The following ARK2N variants were observed in gnomAD, a reference collection of about 807,000 sequenced individuals.
ARK2N encodes protein ARK2N.
At chr18:46,237,929 GCTGT>G in the ARK2N span, among the ~76,000 whole-genome samples, 1 of 152,086 alleles carries the variant, frequency 6.6e-6, no homozygotes, top group Non-Finnish European at 1.5e-5. Flanking sequence ...TGAAAATATT[GCTGT>G]CTCTGTTTAT....
the ARK2N span, among the ~76,000 whole-genome samples, chr18:46,190,236 C>T: frequency 1.4e-4 from 22 of 152,016 alleles, no homozygotes; most frequent in African/African-American, 4.8e-4. Flanking sequence ...TACAGCTTTT[C>T]AGGCCGGGCG....
At chr18:46,225,909 G>A in the ARK2N span, among the ~76,000 whole-genome samples, 1 of 152,178 alleles carries the variant, frequency 6.6e-6, no homozygotes, top group Non-Finnish European at 1.5e-5. Flanking sequence ...AATAGTGGGA[G>A]CCATCCTCTT....
chr18:46,245,496 G>A, the ARK2N span, among the ~76,000 whole-genome samples: 4 of 151,316 alleles, frequency 2.6e-5, no homozygotes, highest in African/African-American at 9.7e-5. Flanking sequence ...GCTTGATCCC[G>A]GCAGGTGGAG....
At chr18:46,223,386 G>A in the ARK2N span, among the ~76,000 whole-genome samples, 1 of 152,162 alleles carries the variant, frequency 6.6e-6, no homozygotes, top group African/African-American at 2.4e-5. Context: ...GCAGAGGTTG[G>A]TGACCGACTT....
the ARK2N span, among the ~76,000 whole-genome samples, chr18:46,249,056 C>T: frequency 1.3e-5 from 2 of 152,148 alleles, no homozygotes; most frequent in Admixed American, 1.3e-4. Flanking sequence ...TTGTACTTAC[C>T]TGGCAGAGTC....
chr18:46,210,399 G>C, the ARK2N span, among the ~76,000 whole-genome samples: 1 of 152,184 alleles, frequency 6.6e-6, no homozygotes, highest in East Asian at 1.9e-4. Context: ...AGCAATAGTA[G>C]TACTATTTAC....
chr18:46,199,482 A>ATT, the ARK2N span, among the ~76,000 whole-genome samples: 34 of 82,390 alleles, frequency 4.1e-4, no homozygotes, highest in African/African-American at 1.1e-3. Context: ...CACCCAGCTC[A>ATT]TTTTTTTTTT....
chr18:46,183,900 T>C, the ARK2N span, among the ~76,000 whole-genome samples: 1 of 152,014 alleles, frequency 6.6e-6, no homozygotes, highest in Admixed American at 6.6e-5. Flanking sequence ...CTCAGCTCAC[T>C]GCAACCTCCG....
chr18:46,252,062 G>A, the ARK2N span, among the ~76,000 whole-genome samples: 6 of 151,998 alleles, frequency 3.9e-5, no homozygotes, highest in African/African-American at 9.6e-5. Flanking sequence ...GTGTGGTGGC[G>A]TGCGCCTGTA....
At chr18:46,236,254 C>T in the ARK2N span, among the ~76,000 whole-genome samples, 1 of 152,212 alleles carries the variant, frequency 6.6e-6, no homozygotes, top group Non-Finnish European at 1.5e-5. Flanking sequence ...CTCAAGCAGT[C>T]CTCCTGCCTC....
the ARK2N span, among the ~76,000 whole-genome samples, chr18:46,198,432 C>G: frequency 6.6e-6 from 1 of 151,056 alleles, no homozygotes; most frequent in Non-Finnish European, 1.5e-5. Flanking sequence ...AACTATGAGA[C>G]AATATTATAA....
chr18:46,254,705 CGTTTCAACAAAGATTATAT>C, the ARK2N span, among the ~76,000 whole-genome samples: 1 of 152,172 alleles, frequency 6.6e-6, no homozygotes, highest in Non-Finnish European at 1.5e-5. Flanking sequence ...AAAGTTGAAT[CGTTTCAACAAAGATTATAT>C]GTCCTCCCCA....
At chr18:46,205,481 G>A in the ARK2N span, among the ~76,000 whole-genome samples, 1 of 152,122 alleles carries the variant, frequency 6.6e-6, no homozygotes, top group Non-Finnish European at 1.5e-5. Context: ...GAGAAGGAAT[G>A]TTTTCTCTGT....
At chr18:46,202,483 G>A in the ARK2N span, among the ~76,000 whole-genome samples, 5 of 152,248 alleles carry the variant, frequency 3.3e-5, no homozygotes, top group East Asian at 7.7e-4. Flanking sequence ...TGTCATTGGA[G>A]GGATTATAGA....
the ARK2N span, among the ~76,000 whole-genome samples, chr18:46,208,658 C>T: frequency 4.6e-5 from 7 of 151,398 alleles, no homozygotes; most frequent in East Asian, 1.9e-4. Context: ...TTAGTAGAGA[C>T]GGGGTTTCAC....
the ARK2N span, among the ~76,000 whole-genome samples, chr18:46,185,647 T>A: frequency 2.0e-5 from 3 of 152,208 alleles, no homozygotes; most frequent in Non-Finnish European, 4.4e-5. Context: ...GCAATTTGTC[T>A]CTTGTTTTCC....
chr18:46,257,494 T>C, the ARK2N span, among the ~76,000 whole-genome samples: 1 of 152,194 alleles, frequency 6.6e-6, no homozygotes, highest in Non-Finnish European at 1.5e-5. Context: ...TGCCTTGTAT[T>C]GCTGTGTTGA....
At chr18:46,178,089 C>G in the ARK2N span, among the ~76,000 whole-genome samples, 6 of 152,198 alleles carry the variant, frequency 3.9e-5, no homozygotes, top group Admixed American at 3.3e-4. Flanking sequence ...GGTGAGCATG[C>G]CAGGCTAGGG....
the ARK2N span, among the ~76,000 whole-genome samples, chr18:46,181,672 G>A: frequency 3.3e-5 from 5 of 152,148 alleles, no homozygotes; most frequent in African/African-American, 7.2e-5. Context: ...CCAAGATCGC[G>A]CCACTGCACT....
Sources: allele counts gnomAD v4.1 joint callset (sites outside exome capture counted in the v4.1 genomes callset), GRCh38; gene constraint gnomAD v4.1.1; transcripts MANE v1.5; gene names NCBI Gene and HGNC (gene_info 2026-07-23, HGNC 2026-07-21).